The following INSC variants were observed in gnomAD, a reference collection of about 807,000 sequenced individuals.
INSC encodes the protein protein inscuteable homolog.
A neutral mutation model predicts 58.6 loss-of-function variants in INSC; 67 were observed. That is an observed-to-expected ratio of 1.14 (90% CI 0.94 to 1.40). The LOEUF is 1.40. INSC is among the 40% of genes most tolerant of loss of function. The pLI is 0.00. For synonymous variants in INSC, 262 were observed against 276.1 expected (o/e 0.95, Z 0.51); for missense variants, 714 against 692.0 (o/e 1.03, Z -0.36).
At chr11:15,193,004 G>A (rs1240349080) in intron 6 of INSC, among the ~76,000 whole-genome samples, 1 of 152,190 alleles carries the variant, frequency 6.6e-6, no homozygotes, top group Non-Finnish European at 1.5e-5. Context: ...TTATACAAAT[G>A]AAGACGCTGA....
the INSC span, among the ~76,000 whole-genome samples, chr11:15,267,751 G>A: frequency 1.3e-5 from 2 of 151,910 alleles, no homozygotes; most frequent in African/African-American, 4.8e-5. Context: ...TTCTATTGAT[G>A]GAGTTTTCTT....
chr11:15,182,199 T>C (rs535846156), intron 5 of INSC, among the ~76,000 whole-genome samples: 2 of 152,172 alleles, frequency 1.3e-5, no homozygotes, highest in Non-Finnish European at 2.9e-5. Context: ...AATAAGCTGA[T>C]CCTCAATGCC....
chr11:15,161,653 A>G (rs1361593310), intron 2 of INSC, among the ~76,000 whole-genome samples: 1 of 152,194 alleles, frequency 6.6e-6, no homozygotes, highest in Non-Finnish European at 1.5e-5. Flanking sequence ...TTAGCACCAA[A>G]TGCTGGGGCA....
chr11:15,246,105 A>G lies in INSC; in HGVS notation c.*65A>G, dbSNP rs1852555781. ...CCCCTCTGACTATGCACCAGTGAAC[A>G]CATCTGAGTACATACCAGCTCTCCT... On this transcript the variant is annotated 3_prime_UTR_variant, in exon 13 of 13. Transcript: ENST00000379556. 2 of 1,545,746 alleles carry G rather than the reference A, an allele frequency of 1.3e-6. No individual in the cohort carries two copies. Among genetic ancestry groups the G allele is most frequent in the South Asian group, 1.1e-5 (1 of 87,690 alleles).
chr11:15,203,021 A>G (rs1379890956), intron 7 of INSC, among the ~76,000 whole-genome samples: 1 of 152,212 alleles, frequency 6.6e-6, no homozygotes, highest in African/African-American at 2.4e-5. Context: ...AGTCCACTAC[A>G]TATGTCCTTT....
chr11:15,129,412 T>A (rs934628608), intron 1 of INSC, among the ~76,000 whole-genome samples: 2 of 152,244 alleles, frequency 1.3e-5, no homozygotes, highest in Non-Finnish European at 2.9e-5. Flanking sequence ...ACTTGTCAAG[T>A]TCTAGAAAAA....
At chr11:15,188,262 T>A in intron 5 of INSC, 2 of 985,466 alleles carry the variant, frequency 2.0e-6, no homozygotes, top group Non-Finnish European at 2.4e-6. Flanking sequence ...AGACCCACTC[T>A]CCTATTTGGC....
intron 9 of INSC, among the ~76,000 whole-genome samples, chr11:15,228,997 G>A (rs1020349226): frequency 1.3e-5 from 2 of 152,156 alleles, no homozygotes; most frequent in African/African-American, 4.8e-5. Flanking sequence ...TCATGCCCAG[G>A]AGGTATTTTC....
At chr11:15,212,106 TA>T (rs1352918466) in intron 7 of INSC, among the ~76,000 whole-genome samples, 1 of 152,154 alleles carries the variant, frequency 6.6e-6, no homozygotes, top group East Asian at 1.9e-4. Context: ...GAAATTGACA[TA>T]GTTTTTTTTT....
chr11:15,174,800 A>T (rs1469468559), intron 2 of INSC, among the ~76,000 whole-genome samples: 1 of 152,182 alleles, frequency 6.6e-6, no homozygotes, highest in Non-Finnish European at 1.5e-5. Context: ...GTTTATCTTG[A>T]TTCTTTAGGC....
chr11:15,234,550 G>C (rs562646457), intron 9 of INSC, among the ~76,000 whole-genome samples: 12 of 152,270 alleles, frequency 7.9e-5, no homozygotes, highest in African/African-American at 2.9e-4. Flanking sequence ...TCTCAGCGGA[G>C]GGGGGACACA....
chr11:15,112,750 TA>T (rs2133662358), upstream of INSC, among the ~76,000 whole-genome samples: 1 of 151,894 alleles, frequency 6.6e-6, no homozygotes, highest in East Asian at 1.9e-4. Flanking sequence ...GGCCTGGAAA[TA>T]AAAGAACTTT....
At chr11:15,136,781 C>G (rs972513777) in intron 1 of INSC, among the ~76,000 whole-genome samples, 1 of 152,136 alleles carries the variant, frequency 6.6e-6, no homozygotes, top group African/African-American at 2.4e-5. Context: ...TTGAAACTCT[C>G]AAAGTCATCC....
At chr11:15,261,408 A>G in the INSC span, among the ~76,000 whole-genome samples, 1 of 152,186 alleles carries the variant, frequency 6.6e-6, no homozygotes, top group African/African-American at 2.4e-5. Context: ...TAATTGCTTA[A>G]ATTCTAATCT....
At chr11:15,206,025 C>T (rs1312500095) in intron 7 of INSC, among the ~76,000 whole-genome samples, 2 of 152,204 alleles carry the variant, frequency 1.3e-5, no homozygotes, top group African/African-American at 4.8e-5. Context: ...ACGTGGAGGT[C>T]TGGTTCATCT....
chr11:15,122,133 T>A (rs553800493), intron 1 of INSC, among the ~76,000 whole-genome samples: 113 of 152,348 alleles, frequency 7.4e-4, no homozygotes, highest in African/African-American at 2.4e-3. Context: ...GACATATATG[T>A]ATATTTATTT....
chr11:15,200,691 T>G, intron 6 of INSC, 133 bp from the exon 7 acceptor site: 1 of 1,062,738 alleles, frequency 9.4e-7, no homozygotes. Flanking sequence ...TGTAAGTGTG[T>G]GTGGGGCGGG....
chr11:15,193,401 G>A (rs986436146), intron 6 of INSC, among the ~76,000 whole-genome samples: 6 of 152,174 alleles, frequency 3.9e-5, no homozygotes, highest in East Asian at 3.9e-4. Context: ...CCATTAACTC[G>A]TCATTTACTT....
At position 15,201,183 on chromosome 11, in the gene INSC, A is replaced by G. The variant is rs73426543; in HGVS notation, c.819+234A>G. ...AAAGGCAGGGCTCAAAGGGACACTCAGCACTTCCTGGGTGGGGTGACAACT... is the reference window on the plus strand; with the variant it reads ...AAAGGCAGGGCTCAAAGGGACACTCGGCACTTCCTGGGTGGGGTGACAACT... On this transcript the variant is annotated intron_variant, in intron 7 of 12. Transcript: ENST00000379556. Among the ~76,000 whole-genome samples, 1,161 of 152,236 alleles carry G rather than the reference A, an allele frequency of 7.6e-3. 14 individuals are homozygous for G. The highest frequency in any genetic ancestry group is 0.027 in the African/African-American group (1,108 of 41,540).
Sources: gnomAD v4.1 joint callset for allele counts (sites outside exome capture counted in the v4.1 genomes callset) on GRCh38, gnomAD v4.1.1 for gene constraint, MANE v1.5 for transcripts, NCBI Gene and HGNC (gene_info 2026-07-23, HGNC 2026-07-21) for gene names.